MCF2L2: variants seen among roughly 807,000 people sequenced by gnomAD.
MCF2L2 encodes probable guanine nucleotide exchange factor MCF2L2.
In MCF2L2, 102 loss-of-function variants were observed where a neutral mutation model predicts 150.2. The ratio of observed to expected loss-of-function variants is 0.68; its 90% CI spans 0.58 to 0.80. MCF2L2 has a LOEUF of 0.80. MCF2L2 is among the 30% of genes least tolerant of loss of function. The pLI is 0.00. For synonymous variants in MCF2L2, 465 were observed against 491.3 expected, an observed-to-expected ratio of 0.95 and a Z score of 0.71; for missense variants, 1,256 against 1,372.8, an observed-to-expected ratio of 0.91 and a Z score of 1.34.
intron 22 of MCF2L2, among the ~76,000 whole-genome samples, chr3:183,214,642 T>C (rs893505410): frequency 2.0e-5 from 3 of 151,702 alleles, no homozygotes; most frequent in African/African-American, 4.8e-5. Context: ...AAAAGTATAA[T>C]ATAATCACAA....
At chr3:183,207,354 TA>T (rs1722530681) in intron 23 of MCF2L2, among the ~76,000 whole-genome samples, 1 of 152,218 alleles carries the variant, frequency 6.6e-6, no homozygotes, top group Non-Finnish European at 1.5e-5. Flanking sequence ...GTACTTTTAC[TA>T]ATTAGTTTGT....
chr3:183,192,670 T>A (rs1180987694), intron 27 of MCF2L2: 2 of 238,106 alleles, frequency 8.4e-6, no homozygotes, highest in African/African-American at 4.5e-5. Flanking sequence ...ACTCATCGAT[T>A]GTTTATTTCT....
In MCF2L2 at chr3:183,267,871, G is replaced by A. The variant is rs1300903555; in HGVS notation, c.1862+9001C>T. Among the ~76,000 whole-genome samples, 2 of 152,136 alleles carry A rather than the reference G, an allele frequency of 1.3e-5. No homozygotes were observed. The highest frequency in any genetic ancestry group is 6.5e-5 in the Admixed American group (1 of 15,282). The stretch of plus-strand genomic sequence containing the variant: ...CCTTCCCCAGTAACCATCACTTTGA[G>A]TAAACAGTGGCTCCACCCCCGGCAT... On this transcript the variant is annotated intron_variant, in intron 15 of 29. Transcript: ENST00000328913. The surrounding 1 kb of genome is among the most constrained non-coding windows in gnomAD (Gnocchi z 5.5).
At chr3:183,280,366 A>G (rs1560400036) in intron 14 of MCF2L2, among the ~76,000 whole-genome samples, 1 of 152,146 alleles carries the variant, frequency 6.6e-6, no homozygotes, top group African/African-American at 2.4e-5. Flanking sequence ...CCCTTTTTAA[A>G]CTTAGATTTT....
Position 183,179,353 on chromosome 3 carries a change from C to G in MCF2L2, c.*27G>C, listed in dbSNP as rs755987110. On this transcript the variant is annotated 3_prime_UTR_variant, in exon 30 of 30. Coordinates refer to ENST00000328913, the MANE Select transcript of MCF2L2 (RefSeq NM_015078.4). This position sits in a 1 kb window ranked among gnomAD's most constrained non-coding sequence, Gnocchi z 4.2. ...CCCGGGAATGCGGGCGCTCTGGAGC[C>G]GAGGAGCGGGGGCGTCCGCAGGGAG... 170 of 1,417,952 alleles carry G rather than the reference C, an allele frequency of 1.2e-4. 2 individuals carry two copies. The Middle Eastern group carries it at 6.0e-3, about 50-fold the overall frequency. 87.8% of individuals were successfully genotyped at this position (1,417,952 alleles called of 1,614,324 possible).
intron 23 of MCF2L2, among the ~76,000 whole-genome samples, chr3:183,207,223 T>C (rs1381063788): frequency 2.0e-5 from 3 of 152,120 alleles, no homozygotes; most frequent in Non-Finnish European, 4.4e-5. Flanking sequence ...GTCAGGACAA[T>C]GCCTGCACTT....
At chr3:183,377,553 G>C (rs1342724406) in intron 3 of MCF2L2, 1 of 152,194 alleles carries the variant, frequency 6.6e-6, no homozygotes, top group Admixed American at 6.5e-5. Flanking sequence ...AAACGAAAGA[G>C]AAGAAAAGCA....
At chr3:183,244,641 C>G (rs563344937) in intron 15 of MCF2L2, among the ~76,000 whole-genome samples, 1 of 152,176 alleles carries the variant, frequency 6.6e-6, no homozygotes, top group Non-Finnish European at 1.5e-5. Context: ...CTCATCTCTT[C>G]ATTTTACAGA....
rs68174534 is a variant in MCF2L2 at position 183,371,640 on chromosome 3, C to CT, written c.275+7656dup. On this transcript the variant is annotated intron_variant, in intron 3 of 29. Transcript: ENST00000328913. ...ATGCCACCAGGCCCAGATAATTTTT[C>CT]TTTTTTTTTTTTTTTTAAGTAGAGA... 7.7e-3 allele frequency among the ~76,000 whole-genome samples: 1,097 copies of CT among 141,570 alleles called. 13 individuals are homozygous for CT. Among genetic ancestry groups the CT allele is most frequent in the African/African-American group, 0.022 (902 of 40,172 alleles). The allele number at this position is 141,570 out of a possible 152,430, so 92.9% of individuals were successfully genotyped here.
chr3:183,379,038 T>C, intron 3 of MCF2L2: 1 of 405,536 alleles, frequency 2.5e-6, no homozygotes, highest in Non-Finnish European at 4.3e-6. Flanking sequence ...GCTGCTCAGT[T>C]TTCCATCCAC....
In MCF2L2 at chr3:183,302,282, A is replaced by T. The variant is rs1728891121; in HGVS notation, c.1114-2086T>A. Reference sequence around the variant, plus strand: ...TCTTAATAGATCATAACTCTAATACAGCTACATGCAGAATCCTCCTAGTGA... The same window carrying T: ...TCTTAATAGATCATAACTCTAATACTGCTACATGCAGAATCCTCCTAGTGA... On this transcript the variant is annotated intron_variant, in intron 10 of 29. Transcript: ENST00000328913. 3.9e-5 allele frequency among the ~76,000 whole-genome samples: 6 copies of T among 152,328 alleles called. No individual in the cohort carries two copies. In the South Asian group the frequency reaches 1.0e-3, roughly 26 times the overall value.
At chr3:183,233,241 A>C (rs889027785) in intron 15 of MCF2L2, among the ~76,000 whole-genome samples, 1 of 152,098 alleles carries the variant, frequency 6.6e-6, no homozygotes, top group African/African-American at 2.4e-5. Flanking sequence ...AATCCCAGCT[A>C]CTTGGGAGGG....
At chr3:183,251,353 C>T (rs181263923) in intron 15 of MCF2L2, among the ~76,000 whole-genome samples, 17 of 152,296 alleles carry the variant, frequency 1.1e-4, no homozygotes, top group Admixed American at 9.8e-4. Context: ...GCCCCTGTTG[C>T]TCCCACCATC....
At chr3:183,281,675 C>CCTTGGG (rs1727491134) in intron 14 of MCF2L2, among the ~76,000 whole-genome samples, 1 of 152,050 alleles carries the variant, frequency 6.6e-6, no homozygotes, top group Non-Finnish European at 1.5e-5. Context: ...ACCTTTAGTC[C>CCTTGGG]AGATCAGCTG....
At chr3:183,285,564 G>A (rs1727741458) in intron 14 of MCF2L2, among the ~76,000 whole-genome samples, 1 of 152,278 alleles carries the variant, frequency 6.6e-6, no homozygotes, top group Non-Finnish European at 1.5e-5. Flanking sequence ...GGTACACACA[G>A]CACCCAGTAC....
intron 1 of MCF2L2, among the ~76,000 whole-genome samples, chr3:183,420,412 C>T (rs893069056): frequency 6.6e-6 from 1 of 152,036 alleles, no homozygotes; most frequent in African/African-American, 2.4e-5. Flanking sequence ...CCAGCCTGAC[C>T]AATATGGTGA....
At chr3:183,365,807 C>T (rs548847552) in intron 3 of MCF2L2, among the ~76,000 whole-genome samples, 3 of 151,778 alleles carry the variant, frequency 2.0e-5, no homozygotes, top group Admixed American at 1.3e-4. Flanking sequence ...CAAAGACAAA[C>T]GACAAATTAA....
chr3:183,417,253 G>C (rs1359457514), intron 1 of MCF2L2, among the ~76,000 whole-genome samples: 1 of 151,932 alleles, frequency 6.6e-6, no homozygotes, highest in Non-Finnish European at 1.5e-5. Context: ...GTAAACACTG[G>C]GGGGTACTGG....
chr3:183,400,645 A>G (rs1714704742), intron 1 of MCF2L2: 4 of 331,964 alleles, frequency 1.2e-5, no homozygotes, highest in African/African-American at 8.6e-5. Context: ...TTGATTGGTG[A>G]GTGCTCACAG....
Sources: allele counts gnomAD v4.1 joint callset (sites outside exome capture counted in the v4.1 genomes callset), GRCh38; gene constraint gnomAD v4.1.1; non-coding constraint Gnocchi (gnomAD v3.1); transcripts MANE v1.5; gene names NCBI Gene and HGNC (gene_info 2026-07-23, HGNC 2026-07-21).